Variants in LINGO2 observed in about 807,000 individuals in gnomAD.
LINGO2 encodes the protein leucine-rich repeat and immunoglobulin-like domain-containing nogo receptor-interacting protein 2.
LINGO2 carries 14 observed loss-of-function variants against 30.6 expected under a neutral mutation model. That is an observed-to-expected ratio of 0.46 (90% confidence interval 0.30 to 0.72). The LOEUF is 0.72. Ranked by LOEUF, LINGO2 falls within the 30% of genes least tolerant of loss-of-function variation. The pLI, the probability that LINGO2 is intolerant of heterozygous loss-of-function variation, is 0.07. For synonymous variants in LINGO2, 317 were observed against 288.5 expected (o/e 1.10, Z -1.00); for missense variants, 729 against 751.7 (o/e 0.97, Z 0.35).
At chr9:28,215,447 A>T (rs1564050687) in intron 4 of LINGO2, among the ~76,000 whole-genome samples, 1 of 151,830 alleles carries the variant, frequency 6.6e-6, no homozygotes, top group Non-Finnish European at 1.5e-5. Flanking sequence ...GATAAATTGA[A>T]ATCTATGCTC....
chr9:27,955,793 A>G (rs74684112), intron 5 of LINGO2, among the ~76,000 whole-genome samples: 2,991 of 152,178 alleles, frequency 0.02, 96 homozygotes, highest in African/African-American at 0.061. Flanking sequence ...AGAAATATAT[A>G]CCTATATATA....
At chr9:28,617,374 C>T (rs180945103) in intron 1 of LINGO2, among the ~76,000 whole-genome samples, 1 of 151,738 alleles carries the variant, frequency 6.6e-6, no homozygotes, top group South Asian at 2.1e-4. Flanking sequence ...CGGATCACTG[C>T]AACTTCCGCC....
At chr9:29,184,066 A>G in the LINGO2 span, among the ~76,000 whole-genome samples, 1 of 152,196 alleles carries the variant, frequency 6.6e-6, no homozygotes, top group African/African-American at 2.4e-5. Context: ...AGCACCACAC[A>G]TGAGTAACAA....
intron 1 of LINGO2, among the ~76,000 whole-genome samples, chr9:28,583,607 T>G (rs1306680413): frequency 6.6e-6 from 1 of 151,982 alleles, no homozygotes; most frequent in Non-Finnish European, 1.5e-5. Context: ...AGAAAAAAAT[T>G]TTTCTTTTAT....
chr9:28,921,714 C>G, the LINGO2 span, among the ~76,000 whole-genome samples: 1 of 151,900 alleles, frequency 6.6e-6, no homozygotes, highest in African/African-American at 2.4e-5. Flanking sequence ...TTCCATTCAT[C>G]CTTCCACATC....
At chr9:29,077,400 C>A in the LINGO2 span, among the ~76,000 whole-genome samples, 16 of 151,966 alleles carry the variant, frequency 1.1e-4, no homozygotes, top group Non-Finnish European at 1.8e-4. Flanking sequence ...GAATTTATAG[C>A]TATTCATGTC....
rs180962779 is a variant in LINGO2 at position 28,135,738 on chromosome 9, G to T, written c.-86-123333C>A. 8.5e-5 allele frequency among the ~76,000 whole-genome samples: 13 copies of T among 152,078 alleles called. No homozygotes were observed. In the East Asian group the frequency reaches 2.3e-3, roughly 27 times the overall value. On this transcript the variant is annotated intron_variant, in intron 4 of 5. Coordinates refer to ENST00000379992, the Ensembl canonical transcript of LINGO2. ...CCCCTTCAAGCTCAAACAGTCCCCAGAACTTCCTGCAGCTGATGAGTCTGA... is the reference window on the plus strand; with the variant it reads ...CCCCTTCAAGCTCAAACAGTCCCCATAACTTCCTGCAGCTGATGAGTCTGA...
intron 5 of LINGO2, among the ~76,000 whole-genome samples, chr9:27,954,305 C>T (rs558837646): frequency 5.3e-5 from 8 of 152,236 alleles, no homozygotes; most frequent in South Asian, 4.1e-4. Context: ...TCTAACTGTA[C>T]GTTGGTATCC....
At chr9:28,223,464 A>G (rs1192481781) in intron 4 of LINGO2, among the ~76,000 whole-genome samples, 1 of 152,246 alleles carries the variant, frequency 6.6e-6, no homozygotes, top group Non-Finnish European at 1.5e-5. Context: ...AAGGCCCCAC[A>G]TCTTAACAGA....
At chr9:28,241,501 C>G (rs1821798899) in intron 4 of LINGO2, among the ~76,000 whole-genome samples, 1 of 151,992 alleles carries the variant, frequency 6.6e-6, no homozygotes, top group East Asian at 1.9e-4. Flanking sequence ...TGCAGCCGCC[C>G]ACCTGAGAGC....
the LINGO2 span, among the ~76,000 whole-genome samples, chr9:28,702,775 G>A: frequency 0.092 from 14,019 of 151,744 alleles, 989 homozygotes; most frequent in Admixed American, 0.22. Flanking sequence ...ATTGCTTTCC[G>A]TTTTAGATCA....
chr9:27,979,667 A>G (rs4142124), intron 5 of LINGO2, among the ~76,000 whole-genome samples: 41,751 of 151,806 alleles, frequency 0.28, 6,662 homozygotes, highest in South Asian at 0.35. Context: ...GTAGAATCCT[A>G]TATTTACTTC....
chr9:28,379,460 A>T (rs959290890), intron 2 of LINGO2, among the ~76,000 whole-genome samples: 1 of 152,098 alleles, frequency 6.6e-6, no homozygotes, highest in African/African-American at 2.4e-5. Flanking sequence ...CTCTGCTCCA[A>T]TTGGTTATCT....
At chr9:28,189,930 A>C (rs901661861) in intron 4 of LINGO2, among the ~76,000 whole-genome samples, 5 of 152,030 alleles carry the variant, frequency 3.3e-5, no homozygotes, top group African/African-American at 1.2e-4. Flanking sequence ...GGGACTAGAA[A>C]GGGGGACAGC....
At chr9:29,042,279 C>T in the LINGO2 span, among the ~76,000 whole-genome samples, 1 of 151,900 alleles carries the variant, frequency 6.6e-6, no homozygotes, top group African/African-American at 2.4e-5. Context: ...ATAATATAGC[C>T]ACTCTGGAAA....
chr9:28,571,477 C>T (rs1474130286), intron 1 of LINGO2, among the ~76,000 whole-genome samples: 3 of 152,010 alleles, frequency 2.0e-5, no homozygotes, highest in African/African-American at 7.2e-5. Context: ...TCTTACACCA[C>T]ACTTCACAGA....
chr9:28,894,842 AC>A, the LINGO2 span, among the ~76,000 whole-genome samples: 5 of 152,224 alleles, frequency 3.3e-5, no homozygotes, highest in South Asian at 1.0e-3. Context: ...TACTTCACAT[AC>A]TTAATTTTTT....
chr9:28,423,095 T>C (rs1823269580), intron 2 of LINGO2, among the ~76,000 whole-genome samples: 1 of 152,030 alleles, frequency 6.6e-6, no homozygotes, highest in African/African-American at 2.4e-5. Context: ...GTCCCAAAGG[T>C]TGATCGTGGT....
At chr9:29,114,395 AT>A in the LINGO2 span, among the ~76,000 whole-genome samples, 4 of 85,766 alleles carry the variant, frequency 4.7e-5, no homozygotes, top group Non-Finnish European at 9.9e-5. Flanking sequence ...TATTATTATT[AT>A]TATTATTATT....
Sources: allele counts gnomAD v4.1 joint callset (sites outside exome capture counted in the v4.1 genomes callset), GRCh38; gene constraint gnomAD v4.1.1; transcripts MANE v1.5; gene names NCBI Gene and HGNC (gene_info 2026-07-23, HGNC 2026-07-21).